Variants in TFDP1 observed in about 807,000 individuals in gnomAD.
TFDP1 encodes transcription factor Dp-1.
In TFDP1, 6 loss-of-function variants were observed where a neutral mutation model predicts 48.0. That is an observed-to-expected ratio of 0.13 (90% CI 0.07 to 0.25). The LOEUF is 0.25. TFDP1 is among the 10% of genes least tolerant of loss of function. TFDP1 has a pLI of 1.00. For synonymous variants in TFDP1, 201 were observed against 211.6 expected (o/e 0.95, Z 0.44); for missense variants, 335 against 543.0 (o/e 0.62, Z 3.81).
At chr13:113,634,146 G>A (rs535998868) in intron 7 of TFDP1, 113 bp downstream of exon 7, 12 of 1,471,666 alleles carry the variant, frequency 8.2e-6, no homozygotes, top group East Asian at 6.8e-5. Context: ...CTCTGTGTCC[G>A]GCTGGCAGAC....
chr13:113,608,435 G>A (rs1450446422), intron 2 of TFDP1, among the ~76,000 whole-genome samples: 4 of 152,296 alleles, frequency 2.6e-5, no homozygotes, highest in South Asian at 2.1e-4. Flanking sequence ...CTGTGCAGGC[G>A]GGAGGGCAGT....
At chr13:113,619,612 G>C (rs968987275) in intron 3 of TFDP1, among the ~76,000 whole-genome samples, 2 of 152,070 alleles carry the variant, frequency 1.3e-5, no homozygotes, top group Admixed American at 1.3e-4. Flanking sequence ...CTTGCTGCTC[G>C]CTGTGGTCGG....
intron 2 of TFDP1, among the ~76,000 whole-genome samples, chr13:113,593,275 C>T (rs1358926763): frequency 2.4e-5 from 3 of 126,502 alleles, no homozygotes; most frequent in Admixed American, 8.2e-5. Context: ...AGGCGTGATG[C>T]GTGTGGGTCC....
intron 2 of TFDP1, among the ~76,000 whole-genome samples, chr13:113,595,417 T>C (rs906673921): frequency 6.6e-6 from 1 of 152,178 alleles, no homozygotes; most frequent in Non-Finnish European, 1.5e-5. Flanking sequence ...ACAGTGCCAC[T>C]GGTATAGAGG....
Position 113,629,621 on chromosome 13 carries a change from C to A in TFDP1, c.187-2002C>A, listed in dbSNP as rs945819893. Among the ~76,000 whole-genome samples, 3 of 152,178 alleles carry A rather than the reference C, an allele frequency of 2.0e-5. No homozygotes were observed. In the South Asian group the frequency reaches 6.2e-4, roughly 32 times the overall value. On this transcript the variant is annotated intron_variant, in intron 4 of 11. Coordinates refer to ENST00000375370, the MANE Select transcript of TFDP1 (RefSeq NM_007111.5). ...AGATGCTTCTGCCCGACTGGGCTAA[C>A]ATGCGTGATCTGAGCACGTGTAAGG...
intron 2 of TFDP1, among the ~76,000 whole-genome samples, 163 bp from the exon 3 acceptor site, chr13:113,610,833 A>G (rs2048692722): frequency 1.3e-5 from 2 of 152,086 alleles, no homozygotes; most frequent in Admixed American, 6.6e-5. Context: ...CCTTCTCCGG[A>G]CCTGGCGTTC....
At chr13:113,639,480 T>A (rs895004986) in intron 11 of TFDP1, among the ~76,000 whole-genome samples, 5 of 152,280 alleles carry the variant, frequency 3.3e-5, no homozygotes, top group African/African-American at 1.2e-4. Context: ...TCTCGCCATT[T>A]CTGACTTGTT....
rs538122629 is a variant in TFDP1, at chr13:113,638,261, A to G, written c.1085+365A>G. On this transcript the variant is annotated intron_variant, in intron 11 of 11. Transcript: ENST00000375370. The stretch of plus-strand genomic sequence containing the variant: ...ACGCGTCTGCGGTCACAGCGCACGT[A>G]TTTTTCAGAACGCGTCTGCGGTCTG... Among the ~76,000 whole-genome samples, 33 of 150,896 alleles carry G rather than the reference A, an allele frequency of 2.2e-4. 1 individual carries two copies. In the South Asian group the frequency reaches 6.9e-3, roughly 32 times the overall value.
chr13:113,614,247 GTTC>G (rs2048799969), intron 3 of TFDP1, among the ~76,000 whole-genome samples: 1 of 151,682 alleles, frequency 6.6e-6, no homozygotes, highest in Admixed American at 6.6e-5. Flanking sequence ...TTGAGTGTGA[GTTC>G]TGATTGTGCG....
intron 10 of TFDP1, 48 bp from the exon 11 acceptor site, chr13:113,637,770 T>C (rs753425335): frequency 2.5e-6 from 4 of 1,614,082 alleles, no homozygotes; most frequent in Non-Finnish European, 3.4e-6. Context: ...GTGCGTCTTG[T>C]GTTGTTTCTG....
At position 113,624,209 on chromosome 13, in the gene TFDP1, C is replaced by A. The variant is rs140116539; in HGVS notation, c.186+923C>A. Among the ~76,000 whole-genome samples the A allele has an allele frequency of 3.9e-3, 595 of 152,260 alleles. 7 individuals are homozygous for A. Among genetic ancestry groups the A allele is most frequent in the African/African-American group, 0.013 (560 of 41,548 alleles). Reference sequence around the variant, plus strand: ...CCTCCTGGCCCACTCCACCCCCTCACCCTGCTCCGTCTGTGCTGTGGCCCA... The same window carrying A: ...CCTCCTGGCCCACTCCACCCCCTCAACCTGCTCCGTCTGTGCTGTGGCCCA... On this transcript the variant is annotated intron_variant, in intron 4 of 11. Coordinates refer to ENST00000375370, the MANE Select transcript of TFDP1 (RefSeq NM_007111.5).
chr13:113,630,630 G>T (rs1341075403), intron 4 of TFDP1, among the ~76,000 whole-genome samples: 6 of 152,204 alleles, frequency 3.9e-5, no homozygotes, highest in Admixed American at 6.5e-5. Flanking sequence ...TTGATTTGTG[G>T]TGAATTGAAT....
chr13:113,585,023 TGCGCGCTCCTGTGCCTCGGGGACCCC>T, intron 1 of TFDP1, 135 bp downstream of exon 1: 1 of 146,474 alleles, frequency 6.8e-6, no homozygotes, highest in East Asian at 2.0e-4. Flanking sequence ...TCCCGCGCCC[TGCGCGCTCCTGTGCCTCGGGGACCCC>T]GCGCGCTCGG....
chr13:113,616,536 C>T, intron 3 of TFDP1, among the ~76,000 whole-genome samples: 1 of 152,126 alleles, frequency 6.6e-6, no homozygotes, highest in East Asian at 1.9e-4. Flanking sequence ...GCACATGTGG[C>T]CATTGATTAT....
At chr13:113,587,080 A>G (rs2048023877) in intron 2 of TFDP1, among the ~76,000 whole-genome samples, 1 of 151,998 alleles carries the variant, frequency 6.6e-6, no homozygotes, top group Admixed American at 6.6e-5. Context: ...GTTTCCTCAG[A>G]TGGTTCTCAA....
Position 113,634,543 on chromosome 13 carries a change from C to G in TFDP1, c.628C>G (p.Gln210Glu). The G allele has an allele frequency of 6.2e-7, 1 of 1,613,546 alleles. No individual in the cohort carries two copies. The highest frequency in any genetic ancestry group is 8.5e-7 in the Non-Finnish European group (1 of 1,179,818). Reference sequence around the variant, plus strand: ...TGGTTTGTTTTTGAAGGTGGAAAGACAGAGGAGACTTGAAAGAATAAAACA... The same window carrying G: ...TGGTTTGTTTTTGAAGGTGGAAAGAGAGAGGAGACTTGAAAGAATAAAACA... ...QECQNLEVER[Q>E]RRLERIKQKQ... Residue 210 changes from glutamine (Q) to glutamate (E), a missense_variant, in exon 8 of 12, where the codon CAG becomes GAG. Gln to Glu is a conservative substitution (Grantham distance 29). Coordinates refer to ENST00000375370, the MANE Select transcript of TFDP1 (RefSeq NM_007111.5).
At chr13:113,586,010 A>T in intron 2 of TFDP1, 161 bp downstream of exon 2, 1 of 775,776 alleles carries the variant, frequency 1.3e-6, no homozygotes, top group Non-Finnish European at 2.0e-6. Flanking sequence ...AGATGGAAGG[A>T]TCTGATCTCT....
chr13:113,594,806 TAA>T (rs991052841), intron 2 of TFDP1, among the ~76,000 whole-genome samples: 1 of 152,220 alleles, frequency 6.6e-6, no homozygotes, highest in African/African-American at 2.4e-5. Context: ...TATGACTTAC[TAA>T]AAAAAGTTCA....
chr13:113,609,209 C>T (rs915680133), intron 2 of TFDP1, among the ~76,000 whole-genome samples: 15 of 152,322 alleles, frequency 9.8e-5, no homozygotes, highest in African/African-American at 2.9e-4. Flanking sequence ...CGTCACACGC[C>T]GTCTGTGGGC....
Sources: allele counts gnomAD v4.1 joint callset (sites outside exome capture counted in the v4.1 genomes callset), GRCh38; gene constraint gnomAD v4.1.1; transcripts MANE v1.5; gene names NCBI Gene and HGNC (gene_info 2026-07-23, HGNC 2026-07-21).